CDH18: variants seen among roughly 807,000 people sequenced by gnomAD.
The protein encoded by CDH18 is cadherin-18.
A neutral mutation model predicts 67.9 loss-of-function variants in CDH18; 31 were observed. The observed-to-expected ratio is 0.46, with a 90% CI of 0.34 to 0.62. CDH18 has a LOEUF of 0.62. Among genes scored for constraint, CDH18 ranks in the 20% least tolerant of loss-of-function variants. The probability of loss-of-function intolerance (pLI) is 0.01; values close to 1 mark genes in which losing one functional copy is unlikely to be tolerated. For missense variants in CDH18, 890 were observed against 975.5 expected (o/e 0.91, Z 1.17); for synonymous variants, 362 against 347.2 (o/e 1.04, Z -0.48).
intron 2 of CDH18, among the ~76,000 whole-genome samples, chr5:19,873,452 C>T (rs1354854309): frequency 6.6e-6 from 1 of 151,830 alleles, no homozygotes; most frequent in Non-Finnish European, 1.5e-5. Context: ...AAAAATAATG[C>T]ATGGTGGAAG....
intron 1 of CDH18, among the ~76,000 whole-genome samples, chr5:20,552,799 G>C (rs1264165308): frequency 6.6e-6 from 1 of 151,818 alleles, no homozygotes; most frequent in Non-Finnish European, 1.5e-5. Flanking sequence ...TGTTGCCCAG[G>C]CTGGAGTGCA....
intron 4 of CDH18, among the ~76,000 whole-genome samples, chr5:19,737,576 C>T (rs1768512425): frequency 6.6e-6 from 1 of 152,164 alleles, no homozygotes; most frequent in Non-Finnish European, 1.5e-5. Flanking sequence ...CACTGAACAC[C>T]TGACTCCTAG....
At chr5:19,643,855 C>T (rs1754373090) in intron 5 of CDH18, among the ~76,000 whole-genome samples, 1 of 152,096 alleles carries the variant, frequency 6.6e-6, no homozygotes. Context: ...AACACAAACA[C>T]AAAAGGTAAC....
chr5:20,115,332 G>A (rs548663025), intron 2 of CDH18, among the ~76,000 whole-genome samples: 28 of 119,976 alleles, frequency 2.3e-4, no homozygotes, highest in Non-Finnish European at 4.5e-4. Flanking sequence ...AGGCTGAAGT[G>A]TAGTGGCGCG....
chr5:20,425,355 G>C (rs565954771), intron 1 of CDH18, among the ~76,000 whole-genome samples: 1 of 149,814 alleles, frequency 6.7e-6, no homozygotes, highest in East Asian at 2.0e-4. Flanking sequence ...TAGGTGAGAG[G>C]GTGAGACTCT....
At chr5:19,986,415 A>C (rs1799567809) in intron 1 of CDH18, among the ~76,000 whole-genome samples, 1 of 152,212 alleles carries the variant, frequency 6.6e-6, no homozygotes, top group South Asian at 2.1e-4. Context: ...TTGCATGTAT[A>C]ATAGCCAATG....
rs570006483 is a variant in CDH18 at position 20,228,437 on chromosome 5, A to G, written c.-518+27007T>C. ...TGGAATGACTAAATATACCTAATTA[A>G]CACATGTATTACCACACATAGTTAT... On this transcript the variant is annotated intron_variant, in intron 2 of 14. Coordinates refer to the CDH18 transcript ENST00000507958. Among the ~76,000 whole-genome samples, 10 of 152,228 alleles carry G rather than the reference A, an allele frequency of 6.6e-5. No homozygotes were observed. In the South Asian group the frequency reaches 1.9e-3, roughly 28 times the overall value.
intron 2 of CDH18, among the ~76,000 whole-genome samples, chr5:20,020,346 A>G (rs547131305): frequency 6.6e-6 from 1 of 152,306 alleles, no homozygotes; most frequent in Admixed American, 6.5e-5. Flanking sequence ...AGTCATTTGC[A>G]TAAGTAAACA....
At chr5:19,541,946 T>A (rs1472649514) in intron 9 of CDH18, among the ~76,000 whole-genome samples, 1 of 152,196 alleles carries the variant, frequency 6.6e-6, no homozygotes. Context: ...GTTCTTACAT[T>A]ACTAAGGATT....
At chr5:20,351,733 A>G (rs1313121503) in intron 1 of CDH18, among the ~76,000 whole-genome samples, 2 of 152,136 alleles carry the variant, frequency 1.3e-5, no homozygotes, top group South Asian at 2.1e-4. Context: ...ATGGCAATCT[A>G]TTTATGCTGC....
chr5:20,167,887 C>T (rs987225852), intron 2 of CDH18, among the ~76,000 whole-genome samples: 1 of 152,170 alleles, frequency 6.6e-6, no homozygotes, highest in Non-Finnish European at 1.5e-5. Flanking sequence ...TTTAACCAAA[C>T]TGGAAGCAGA....
intron 2 of CDH18, among the ~76,000 whole-genome samples, chr5:19,911,896 A>G (rs1393417969): frequency 6.6e-6 from 1 of 152,198 alleles, no homozygotes; most frequent in Non-Finnish European, 1.5e-5. Context: ...AAGGCATAAA[A>G]CAGGGAACCA....
At position 20,294,567 on chromosome 5, in the gene CDH18, T is replaced by A. The variant is rs536133563; in HGVS notation, c.-579-39062A>T. On this transcript the variant is annotated intron_variant, in intron 1 of 14. Transcript: ENST00000507958. The stretch of plus-strand genomic sequence containing the variant: ...TATCGCAGTAATGAGGAAAGCAGAT[T>A]ACAAAATTTATACCATACTATATTG... Among the ~76,000 whole-genome samples the A allele has an allele frequency of 2.6e-5, 4 of 152,324 alleles. No homozygotes were observed. In the East Asian group the frequency reaches 7.7e-4, roughly 29 times the overall value.
chr5:20,079,821 T>G (rs1448279753), intron 2 of CDH18, among the ~76,000 whole-genome samples: 1 of 152,114 alleles, frequency 6.6e-6, no homozygotes, highest in Non-Finnish European at 1.5e-5. Flanking sequence ...AAGTCCAAGA[T>G]TAAGGTGCCA....
At chr5:20,172,231 T>TATATATAC (rs1736870731) in intron 2 of CDH18, among the ~76,000 whole-genome samples, 5 of 122,176 alleles carry the variant, frequency 4.1e-5, no homozygotes, top group Non-Finnish European at 8.3e-5. Flanking sequence ...TATGTATATA[T>TATATATAC]ATATATATGT....
chr5:20,573,565 G>T (rs1466748261), intron 1 of CDH18, among the ~76,000 whole-genome samples: 2 of 150,352 alleles, frequency 1.3e-5, no homozygotes, highest in African/African-American at 4.9e-5. Context: ...TAAATAAAAT[G>T]GAATTATTAA....
chr5:20,205,617 G>C (rs879494165), intron 2 of CDH18, among the ~76,000 whole-genome samples: 1 of 151,752 alleles, frequency 6.6e-6, no homozygotes, highest in Admixed American at 6.6e-5. Context: ...TATCTTAGGT[G>C]ACAAATCAAA....
chr5:19,600,861 T>C (rs887616354), intron 6 of CDH18, among the ~76,000 whole-genome samples: 14 of 152,164 alleles, frequency 9.2e-5, no homozygotes, highest in South Asian at 6.2e-4. Flanking sequence ...AAGATGGGAC[T>C]TACATTAGAA....
At chr5:20,221,236 A>T (rs1369230450) in intron 2 of CDH18, among the ~76,000 whole-genome samples, 1 of 152,144 alleles carries the variant, frequency 6.6e-6, no homozygotes, top group Non-Finnish European at 1.5e-5. Context: ...TTAATGGATA[A>T]AAAATATGTG....
Sources: allele counts gnomAD v4.1 joint callset (sites outside exome capture counted in the v4.1 genomes callset), GRCh38; gene constraint gnomAD v4.1.1; transcripts MANE v1.5; gene names NCBI Gene and HGNC (gene_info 2026-07-23, HGNC 2026-07-21).